The following DHRS12 variants were observed in gnomAD, a reference collection of about 807,000 sequenced individuals.
DHRS12 encodes the protein dehydrogenase/reductase SDR family member 12.
Under a neutral mutation model 32.1 loss-of-function variants are expected in DHRS12, and 29 were observed. The observed-to-expected ratio is 0.90, with a 90% confidence interval of 0.67 to 1.23. The LOEUF (loss-of-function observed/expected upper bound fraction) is 1.23. Ranked by LOEUF, DHRS12 falls within the 50% of genes most tolerant of loss-of-function variation. The pLI, the probability that DHRS12 is intolerant of heterozygous loss-of-function variation, is 0.00. For missense variants in DHRS12, 330 were observed against 337.2 expected, an observed-to-expected ratio of 0.98 and a Z score of 0.17; for synonymous variants, 150 against 135.9, an observed-to-expected ratio of 1.10 and a Z score of -0.72.
At chr13:51,783,217 G>T (rs529933571) in intron 4 of DHRS12, among the ~76,000 whole-genome samples, 6 of 152,012 alleles carry the variant, frequency 3.9e-5, no homozygotes, top group Non-Finnish European at 7.4e-5. Flanking sequence ...CCTCGCCTGG[G>T]GCCCTTCTAG....
chr13:51,797,761 C>T (rs1167969653), intron 2 of DHRS12: 3 of 1,491,146 alleles, frequency 2.0e-6, no homozygotes, highest in Non-Finnish European at 1.8e-6. Flanking sequence ...GGGTAGGAGT[C>T]CAGCCTCCTC....
At chr13:51,784,260 G>A (rs2139164963) in intron 4 of DHRS12, among the ~76,000 whole-genome samples, 1 of 152,302 alleles carries the variant, frequency 6.6e-6, no homozygotes, top group East Asian at 1.9e-4. Context: ...GCCACAACAG[G>A]CACACAGAGG....
intron 8 of DHRS12, chr13:51,768,869 A>G (rs1293308790): frequency 7.4e-7 from 1 of 1,359,276 alleles, no homozygotes; most frequent in African/African-American, 1.5e-5. Context: ...GGCCTCAGCA[A>G]ACTGCAGAGA....
chr13:51,787,807 T>C (rs1444526088), intron 4 of DHRS12, among the ~76,000 whole-genome samples: 1 of 114,710 alleles, frequency 8.7e-6, no homozygotes, highest in Non-Finnish European at 1.8e-5. Context: ...TATATATTTA[T>C]ATATAATTTA....
intron 2 of DHRS12, among the ~76,000 whole-genome samples, chr13:51,798,109 C>T (rs7986150): frequency 5.5e-4 from 84 of 152,246 alleles, no homozygotes; most frequent in East Asian, 1.9e-4. Context: ...GCTGACAGTG[C>T]GTCTGGAATA....
At chr13:51,767,784 G>GGT, downstream of DHRS12, 1 of 59,770 alleles carries the variant, frequency 1.7e-5, no homozygotes, top group Non-Finnish European at 4.4e-5. Flanking sequence ...CCTGGGGCGG[G>GGT]GGGGGGGGGG....
At chr13:51,793,357 G>A (rs1955367793) in intron 2 of DHRS12, among the ~76,000 whole-genome samples, 1 of 152,214 alleles carries the variant, frequency 6.6e-6, no homozygotes, top group African/African-American at 2.4e-5. Context: ...ATCTGAGCAA[G>A]AGCCACAACT....
intron 5 of DHRS12, 30 bp from the exon 6 acceptor site, chr13:51,774,064 C>G (rs1231983343): frequency 1.9e-6 from 3 of 1,605,264 alleles, no homozygotes; most frequent in Admixed American, 3.3e-5. Flanking sequence ...GATTTACAAA[C>G]TAAAGCCTGT....
At chr13:51,789,493 G>A in intron 4 of DHRS12, 1 of 961,606 alleles carries the variant, frequency 1.0e-6, no homozygotes, top group Non-Finnish European at 1.2e-6. Flanking sequence ...TGTCTATCAA[G>A]TTCCCAGGTG....
intron 4 of DHRS12, among the ~76,000 whole-genome samples, chr13:51,778,691 G>C (rs573892159): frequency 3.9e-5 from 6 of 152,134 alleles, no homozygotes; most frequent in Middle Eastern, 6.8e-3. Context: ...CGAGAGCTGG[G>C]GTGAGCCCCT....
chr13:51,779,362 A>G (rs191996917), intron 4 of DHRS12, among the ~76,000 whole-genome samples: 15 of 152,376 alleles, frequency 9.8e-5, no homozygotes, highest in Admixed American at 2.6e-4. Context: ...CATCCTGTTT[A>G]TAACAACAAC....
rs576935051 is a variant in DHRS12, at chr13:51,771,177, C to A, written c.559+644G>T. Reference sequence around the variant, plus strand: ...CAAATGCGTTAATCCGCAGACAGCGCTGAGACCAGTTCTTGGCGCCGCGGG... The same window carrying A: ...CAAATGCGTTAATCCGCAGACAGCGATGAGACCAGTTCTTGGCGCCGCGGG... On this transcript the variant is annotated intron_variant, in intron 7 of 8. Coordinates refer to ENST00000444610, the MANE Select transcript of DHRS12 (RefSeq NM_001377533.1). 8.6e-4 allele frequency: 1,331 copies of A among 1,546,480 alleles called. 3 individuals are homozygous for A. The highest frequency in any genetic ancestry group is 5.8e-3 in the Middle Eastern group (33 of 5,736).
rs1422974167 is a variant in DHRS12 at position 51,768,512 on chromosome 13, G to A, written c.698-216C>T. On this transcript the variant is annotated intron_variant, in intron 8 of 8. Coordinates refer to ENST00000444610, the MANE Select transcript of DHRS12 (RefSeq NM_001377533.1). ...TGGGAACTGGGAGGCTGCAGCCAGG[G>A]CTGGACGGGAGACCACGTTTGGGTG... is the stretch of plus-strand genomic sequence containing the variant. 6 of 1,410,258 alleles carry A rather than the reference G, an allele frequency of 4.3e-6. No individual in the cohort carries two copies. In the African/African-American group the frequency reaches 4.3e-5, roughly 10 times the overall value. 87.4% of individuals were successfully genotyped at this position (1,410,258 alleles called of 1,614,324 possible).
the DHRS12 span, chr13:51,760,363 G>A: frequency 6.6e-6 from 1 of 152,144 alleles, no homozygotes; most frequent in Non-Finnish European, 1.5e-5. Flanking sequence ...TGCCTGAAGA[G>A]CGATTTGTTT....
chr13:51,803,157 G>C (rs1421712393), intron 1 of DHRS12, among the ~76,000 whole-genome samples: 3 of 152,222 alleles, frequency 2.0e-5, no homozygotes, highest in African/African-American at 7.2e-5. Flanking sequence ...GTGGGGTGAA[G>C]AGCAGGGAGT....
At position 51,781,447 on chromosome 13, in the gene DHRS12, G is replaced by A. The variant is rs74598901; in HGVS notation, c.302-4326C>T. ...TCAGGATACAGACTGAGGGCGCCCT[G>A]CCCTCTGCCAGGCATTCCCAGGCAT... On this transcript the variant is annotated intron_variant, in intron 4 of 8. Coordinates refer to ENST00000444610, the MANE Select transcript of DHRS12 (RefSeq NM_001377533.1). Among the ~76,000 whole-genome samples the A allele has an allele frequency of 6.1e-3, 933 of 152,290 alleles. 12 individuals carry two copies. Among genetic ancestry groups the A allele is most frequent in the African/African-American group, 0.019 (787 of 41,560 alleles).
intron 7 of DHRS12, chr13:51,771,360 C>T: frequency 1.2e-6 from 2 of 1,613,114 alleles, no homozygotes; most frequent in Non-Finnish European, 1.7e-6. Context: ...GCTGCTCCAA[C>T]ACGCTTCCAG....
chr13:51,755,457 C>T, the DHRS12 span: 2 of 1,613,802 alleles, frequency 1.2e-6, no homozygotes, highest in Non-Finnish European at 1.7e-6. Context: ...TGGTCTAAGA[C>T]AGGTGAGTGA....
intron 4 of DHRS12, among the ~76,000 whole-genome samples, chr13:51,787,884 TAATATATA>T (rs1767899476): frequency 7.5e-6 from 1 of 132,540 alleles, no homozygotes; most frequent in African/African-American, 2.8e-5. Context: ...TAATTATATA[TAATATATA>T]AATATATATA....
Sources: gnomAD v4.1 joint callset for allele counts (sites outside exome capture counted in the v4.1 genomes callset) on GRCh38, gnomAD v4.1.1 for gene constraint, MANE v1.5 for transcripts, NCBI Gene and HGNC (gene_info 2026-07-23, HGNC 2026-07-21) for gene names.